The following CDK13 variants were observed in gnomAD, a reference collection of about 807,000 sequenced individuals.
The protein encoded by CDK13 is cyclin-dependent kinase 13.
Under a neutral mutation model 137.6 loss-of-function variants are expected in CDK13, and 40 were observed. The observed-to-expected ratio is 0.29, with a 90% CI of 0.23 to 0.38. The LOEUF (loss-of-function observed/expected upper bound fraction) is 0.38, where lower values mean the gene tolerates loss of function less well. CDK13 is among the 10% of genes least tolerant of loss of function. The pLI is 1.00. For synonymous variants in CDK13, 869 were observed against 760.1 expected (o/e 1.14, Z -2.36); for missense variants, 1,704 against 1,951.8 (o/e 0.87, Z 2.39).
At chr7:39,997,789 T>A in intron 3 of CDK13, 125 bp downstream of exon 3, 3 of 694,870 alleles carry the variant, frequency 4.3e-6, no homozygotes. Flanking sequence ...CTTAAATATA[T>A]GAATTCTATT....
At chr7:40,059,963 AG>A (rs1256852092) in intron 7 of CDK13, among the ~76,000 whole-genome samples, 1 of 152,204 alleles carries the variant, frequency 6.6e-6, no homozygotes, top group Non-Finnish European at 1.5e-5. Context: ...GCATTTGGAA[AG>A]GCCATTAATT....
chr7:40,004,410 A>G (rs1450917669), intron 5 of CDK13, among the ~76,000 whole-genome samples: 1 of 152,222 alleles, frequency 6.6e-6, no homozygotes, highest in Non-Finnish European at 1.5e-5. Flanking sequence ...AATGTGTTCT[A>G]CTATGTGAGA....
chr7:40,033,775 A>G (rs1354541926), intron 5 of CDK13, among the ~76,000 whole-genome samples: 1 of 152,116 alleles, frequency 6.6e-6, no homozygotes, highest in East Asian at 1.9e-4. Flanking sequence ...TAGCCTAAAG[A>G]TTTGTTCTCA....
In CDK13 at chr7:39,987,762, G is replaced by C; in HGVS notation, c.1375G>C (p.Ala459Pro). 6.2e-7 allele frequency: 1 copy of C among 1,614,098 alleles called. No homozygotes were observed. The highest frequency in any genetic ancestry group is 8.5e-7 in the Non-Finnish European group (1 of 1,180,028). ...LAAELNKNKK[A>P]RAAEAARAAE... ...AGCTGAATTGAACAAGAATAAAAAAGCACGAGCAGCAGAGGCAGCAAGAGC... is the reference window on the plus strand; with the variant it reads ...AGCTGAATTGAACAAGAATAAAAAACCACGAGCAGCAGAGGCAGCAAGAGC... Residue 459 changes from alanine to proline, a missense_variant, in exon 2 of 14, where the codon GCA becomes CCA. Physicochemically the swap from Ala to Pro is conservative, Grantham distance 27. Transcript: ENST00000181839.
At chr7:40,045,537 A>G (rs1185576505) in intron 5 of CDK13, among the ~76,000 whole-genome samples, 1 of 151,602 alleles carries the variant, frequency 6.6e-6, no homozygotes, top group Non-Finnish European at 1.5e-5. Flanking sequence ...TTGACGTCTA[A>G]AACATTAATC....
At chr7:40,051,296 T>C (rs1228241410) in intron 7 of CDK13, among the ~76,000 whole-genome samples, 1 of 152,136 alleles carries the variant, frequency 6.6e-6, no homozygotes, top group Non-Finnish European at 1.5e-5. Flanking sequence ...TTCTGATTTC[T>C]TCAGAATCTC....
In CDK13 at chr7:40,095,140, A is replaced by G. The variant is rs1445526618; in HGVS notation, c.*160A>G. 1 of 541,552 alleles carries G rather than the reference A, an allele frequency of 1.8e-6. No individual in the cohort carries two copies. 33.5% of individuals were successfully genotyped at this position (541,552 alleles called of 1,614,324 possible). A position where few individuals can be genotyped will look rare whatever the true frequency, so the allele number is the denominator to read the frequency against. On this transcript the variant is annotated 3_prime_UTR_variant, in exon 14 of 14. Coordinates refer to ENST00000181839, the MANE Select transcript of CDK13 (RefSeq NM_003718.5). ...ATACAATAGTTTAAAAAAGACAAAA[A>G]AAACCTTTGCTTAAATTCATGCTGT...
chr7:39,962,643 C>G (rs1363734213), intron 1 of CDK13, among the ~76,000 whole-genome samples: 1 of 152,146 alleles, frequency 6.6e-6, no homozygotes, highest in Non-Finnish European at 1.5e-5. Flanking sequence ...TTAATTAGAT[C>G]CCGTTCGTCA....
chr7:40,021,284 G>A (rs1008481743), intron 5 of CDK13, among the ~76,000 whole-genome samples: 1 of 152,042 alleles, frequency 6.6e-6, no homozygotes, highest in Non-Finnish European at 1.5e-5. Context: ...ATCACTTGAG[G>A]TCAGGAGTTT....
intron 5 of CDK13, among the ~76,000 whole-genome samples, chr7:40,013,105 A>C (rs1583987855): frequency 6.6e-6 from 1 of 152,184 alleles, no homozygotes; most frequent in Non-Finnish European, 1.5e-5. Context: ...ATTTTTACAC[A>C]TGCTTACAAC....
intron 11 of CDK13, among the ~76,000 whole-genome samples, chr7:40,080,024 G>A (rs1006304825): frequency 6.6e-6 from 1 of 152,164 alleles, no homozygotes; most frequent in East Asian, 1.9e-4. Context: ...GTCTCACTCT[G>A]TCTCCCAGGC....
At chr7:40,086,959 T>C (rs112971917) in intron 11 of CDK13, among the ~76,000 whole-genome samples, 16,797 of 151,580 alleles carry the variant, frequency 0.11, 1,068 homozygotes, top group Middle Eastern at 0.16. Flanking sequence ...ACTACAGACA[T>C]GTGCCACCAT....
intron 13 of CDK13, 64 bp downstream of exon 13, chr7:40,093,301 C>CTA: frequency 7.7e-7 from 1 of 1,303,004 alleles, no homozygotes; most frequent in Non-Finnish European, 1.1e-6. Context: ...GTGTTGCTGA[C>CTA]TATATATAAT....
intron 9 of CDK13, among the ~76,000 whole-genome samples, chr7:40,065,201 G>A (rs1165923648): frequency 6.6e-6 from 1 of 151,854 alleles, no homozygotes; most frequent in East Asian, 1.9e-4. Context: ...TATATTAATA[G>A]AGGAAGGAAC....
intron 1 of CDK13, 146 bp downstream of exon 1, chr7:39,951,998 G>A: frequency 1.2e-6 from 1 of 865,650 alleles, no homozygotes; most frequent in Non-Finnish European, 1.5e-6. Flanking sequence ...AGGAAGGATA[G>A]GCGTTTTCGC....
intron 5 of CDK13, among the ~76,000 whole-genome samples, chr7:40,026,909 A>G (rs1311802646): frequency 6.6e-6 from 1 of 152,242 alleles, no homozygotes; most frequent in African/African-American, 2.4e-5. Context: ...ATATAGACTT[A>G]GCTGGTTTCT....
chr7:40,004,038 A>C (rs1459060269), intron 5 of CDK13, among the ~76,000 whole-genome samples: 2 of 152,074 alleles, frequency 1.3e-5, no homozygotes, highest in African/African-American at 2.4e-5. Flanking sequence ...TGTTTTCTTC[A>C]CTGTTGTGCC....
chr7:40,038,843 G>T (rs1359262028), intron 5 of CDK13, among the ~76,000 whole-genome samples: 1 of 152,110 alleles, frequency 6.6e-6, no homozygotes, highest in Non-Finnish European at 1.5e-5. Context: ...TTACAGTCAT[G>T]CACCACCATG....
At chr7:39,963,185 A>G (rs1783789733) in intron 1 of CDK13, among the ~76,000 whole-genome samples, 1 of 152,212 alleles carries the variant, frequency 6.6e-6, no homozygotes, top group Non-Finnish European at 1.5e-5. Flanking sequence ...CTTGATGGGG[A>G]TGGCATTGAA....
Sources: allele counts gnomAD v4.1 joint callset (sites outside exome capture counted in the v4.1 genomes callset), GRCh38; gene constraint gnomAD v4.1.1; transcripts MANE v1.5; gene names NCBI Gene and HGNC (gene_info 2026-07-23, HGNC 2026-07-21).